MAP3K4: variants seen among roughly 807,000 people sequenced by gnomAD.
MAP3K4 encodes the protein MAP three kinase 1.
Under a neutral mutation model 185.6 loss-of-function variants are expected in MAP3K4, and 67 were observed. That is an observed-to-expected ratio of 0.36 (90% CI 0.30 to 0.44). MAP3K4 has a LOEUF of 0.44. Among genes scored for constraint, MAP3K4 ranks in the 20% least tolerant of loss-of-function variants. The pLI, the probability that MAP3K4 is intolerant of heterozygous loss-of-function variation, is 1.00. For synonymous variants in MAP3K4, 702 were observed against 710.4 expected (o/e 0.99, Z 0.19); for missense variants, 1,551 against 1,995.1 (o/e 0.78, Z 4.24).
chr6:161,102,743 A>C lies in MAP3K4; in HGVS notation c.3820A>C (p.Ser1274Arg). 1 of 1,601,566 alleles carries C rather than the reference A, an allele frequency of 6.2e-7. No homozygotes were observed. The highest frequency in any genetic ancestry group is 1.1e-5 in the South Asian group (1 of 87,588). ...AGATTCAAGTGGGTCCACAAGAAGA[A>C]GTTGGGAACTTCGGACACTAATCAG... is the stretch of plus-strand genomic sequence containing the variant. ...RGDSSGSTRR[S>R]WELRTLISQS... Residue 1274 changes from serine (S) to arginine (R), a missense_variant, in exon 19 of 27, where the codon AGT becomes CGT. Around this residue, in one of 16 missense-constraint regions of MAP3K4, gnomAD observed 272 missense variants for 301.2 expected, o/e 0.90. Transcript: ENST00000392142.
Position 161,073,738 on chromosome 6 carries a change from A to G in MAP3K4, c.2097+126A>G. On this transcript the variant is annotated intron_variant, in intron 5 of 26. Coordinates refer to ENST00000392142, the MANE Select transcript of MAP3K4 (RefSeq NM_005922.4). This position sits in a 1 kb window ranked among gnomAD's most constrained non-coding sequence, Gnocchi z 4.2. ...ATTCAGATAAACTTCTCTAGTAATGAATTATAGAAATGATCCCTGAAAGTA... is the reference window on the plus strand; with the variant it reads ...ATTCAGATAAACTTCTCTAGTAATGGATTATAGAAATGATCCCTGAAAGTA... The G allele has an allele frequency of 1.1e-6, 1 of 943,136 alleles. No homozygotes were observed. The highest frequency in any genetic ancestry group is 1.5e-6 in the Non-Finnish European group (1 of 658,344). The allele number at this position is 943,136 out of a possible 1,614,324, so 58.4% of individuals were successfully genotyped here.
In MAP3K4 at chr6:161,064,528, T is replaced by G. The variant is rs1255684868; in HGVS notation, c.1708-6080T>G. 6.6e-6 allele frequency among the ~76,000 whole-genome samples: 1 copy of G among 152,218 alleles called. No individual in the cohort carries two copies. The highest frequency in any genetic ancestry group is 1.9e-4 in the East Asian group (1 of 5,184). ...CTGATCTGTTTATTACTGTGCAGGC[T>G]TATTCTATTTTAAATAGAGTAGGCT... On this transcript the variant is annotated intron_variant, in intron 3 of 26. Transcript: ENST00000392142. This position sits in a 1 kb window ranked among gnomAD's most constrained non-coding sequence, Gnocchi z 4.3.
intron 2 of MAP3K4, among the ~76,000 whole-genome samples, chr6:161,047,365 AG>A (rs1312955899): frequency 1.3e-5 from 2 of 151,652 alleles, no homozygotes; most frequent in African/African-American, 2.4e-5. Flanking sequence ...ACTCGAGCCC[AG>A]GAAGTTGAGG....
chr6:161,039,958 A>G (rs1333745602), intron 2 of MAP3K4, among the ~76,000 whole-genome samples: 2 of 152,142 alleles, frequency 1.3e-5, no homozygotes, highest in African/African-American at 4.8e-5. Context: ...ATCTCTGTTC[A>G]TTTATCTTTA....
chr6:161,001,616 A>G (rs2115048796), intron 1 of MAP3K4, among the ~76,000 whole-genome samples: 1 of 152,258 alleles, frequency 6.6e-6, no homozygotes, highest in Non-Finnish European at 1.5e-5. Flanking sequence ...TTTATTGCCT[A>G]ATTCCTGGCT....
In MAP3K4 at chr6:161,017,458, G is replaced by C. The variant is rs780003233; in HGVS notation, c.153-16801G>C. On this transcript the variant is annotated intron_variant, in intron 1 of 26. Transcript: ENST00000392142. The surrounding 1 kb of genome is among the most constrained non-coding windows in gnomAD (Gnocchi z 5.1). The stretch of plus-strand genomic sequence containing the variant: ...TTCTGGTACCATCTGTAGTTGAGAA[G>C]TATGTCACTTTCTATTTATTTGGAT... Among the ~76,000 whole-genome samples the C allele has an allele frequency of 6.6e-6, 1 of 152,120 alleles. No homozygotes were observed. Among genetic ancestry groups the C allele is most frequent in the Non-Finnish European group, 1.5e-5 (1 of 68,016 alleles).
chr6:161,007,389 A>G lies in MAP3K4; in HGVS notation c.152+15306A>G, dbSNP rs1250580696. 1.3e-5 allele frequency among the ~76,000 whole-genome samples: 2 copies of G among 152,142 alleles called. No homozygotes were observed. The highest frequency in any genetic ancestry group is 3.9e-4 in the East Asian group (2 of 5,192). ...GGGAATTACTGAGGAAGATAGAGGG[A>G]GGGCTAATTTTACAATATGCAAGGA... On this transcript the variant is annotated intron_variant, in intron 1 of 26. Coordinates refer to ENST00000392142, the MANE Select transcript of MAP3K4 (RefSeq NM_005922.4). The surrounding 1 kb of genome is among the most constrained non-coding windows in gnomAD (Gnocchi z 4.5).
At position 161,007,132 on chromosome 6, in the gene MAP3K4, A is replaced by G. The variant is rs1179549051; in HGVS notation, c.152+15049A>G. 6.6e-6 allele frequency among the ~76,000 whole-genome samples: 1 copy of G among 152,212 alleles called. No individual in the cohort carries two copies. The highest frequency in any genetic ancestry group is 1.9e-4 in the East Asian group (1 of 5,196). On this transcript the variant is annotated intron_variant, in intron 1 of 26. Transcript: ENST00000392142. This position sits in a 1 kb window ranked among gnomAD's most constrained non-coding sequence, Gnocchi z 4.5. ...GTACTCATTGTTGTGTCCCCAGGTC[A>G]CAGACCAGAAACAAGGCACAGGGGA...
intron 1 of MAP3K4, among the ~76,000 whole-genome samples, chr6:161,018,682 A>C (rs1448813845): frequency 6.6e-6 from 1 of 152,236 alleles, no homozygotes; most frequent in Non-Finnish European, 1.5e-5. Context: ...TCTAATCAAA[A>C]TATGTCAATA....
At chr6:161,039,289 A>AAC (rs1174168931) in intron 2 of MAP3K4, among the ~76,000 whole-genome samples, 1 of 151,648 alleles carries the variant, frequency 6.6e-6, no homozygotes, top group African/African-American at 2.4e-5. Context: ...CAAAAAAAAA[A>AAC]AAAAAAAAAA....
chr6:161,082,230 G>T lies in MAP3K4; in HGVS notation c.2255+1192G>T, dbSNP rs943069202. 3.3e-5 allele frequency among the ~76,000 whole-genome samples: 5 copies of T among 151,882 alleles called. No homozygotes were observed. The highest frequency in any genetic ancestry group is 7.4e-5 in the Non-Finnish European group (5 of 67,998). ...CCCATAGTCAGCCTTTTTAAAAAAG[G>T]CATTCATTGTCATTTGCAACATGTC... On this transcript the variant is annotated intron_variant, in intron 6 of 26. Coordinates refer to ENST00000392142, the MANE Select transcript of MAP3K4 (RefSeq NM_005922.4). The surrounding 1 kb of genome is among the most constrained non-coding windows in gnomAD (Gnocchi z 4.2).
chr6:160,992,009 G>C lies in MAP3K4; in HGVS notation c.78G>C (p.Pro26=). 6.6e-7 allele frequency: 1 copy of C among 1,504,552 alleles called. No individual in the cohort carries two copies. The highest frequency in any genetic ancestry group is 9.0e-7 in the Non-Finnish European group (1 of 1,115,130). 93.2% of individuals were successfully genotyped at this position (1,504,552 alleles called of 1,614,324 possible). Residue 26 remains proline (P), a synonymous_variant, in exon 1 of 27, where the codon CCG becomes CCC. Coordinates refer to ENST00000392142, the MANE Select transcript of MAP3K4 (RefSeq NM_005922.4). ...VTPAAAMEEP[P]PPPPPPPPPP... is the part of the protein sequence containing the mutation. ...CTGCCGCCGCCATGGAGGAGCCGCC[G>C]CCACCGCCGCCGCCGCCACCACCGC...
intron 4 of MAP3K4, among the ~76,000 whole-genome samples, chr6:161,072,415 T>G (rs1432387020): frequency 6.6e-6 from 1 of 152,224 alleles, no homozygotes; most frequent in Non-Finnish European, 1.5e-5. Context: ...TTCCTACACA[T>G]ACAAGTAAGT....
rs1248243440 is a variant in MAP3K4, at chr6:161,091,183, A to AT, written c.2974-189dup. Among the ~76,000 whole-genome samples, 3 of 152,152 alleles carry AT rather than the reference A, an allele frequency of 2.0e-5. No individual in the cohort carries two copies. Among genetic ancestry groups the AT allele is most frequent in the Non-Finnish European group, 4.4e-5 (3 of 68,028 alleles). The stretch of plus-strand genomic sequence containing the variant: ...AACTAGACTGTATCATTTTAAATGC[A>AT]TTTTTTTCTCTTCTATTTAAGAATG... On this transcript the variant is annotated intron_variant, in intron 11 of 26. Transcript: ENST00000392142. This position sits in a 1 kb window ranked among gnomAD's most constrained non-coding sequence, Gnocchi z 5.5.
chr6:161,066,643 T>G (rs1480926771), intron 3 of MAP3K4, among the ~76,000 whole-genome samples: 1 of 152,192 alleles, frequency 6.6e-6, no homozygotes, highest in Non-Finnish European at 1.5e-5. Context: ...TTCTGATTCT[T>G]CCCTTTAGTC....
chr6:161,066,709 T>A (rs1312898974), intron 3 of MAP3K4, among the ~76,000 whole-genome samples: 1 of 152,206 alleles, frequency 6.6e-6, no homozygotes, highest in Non-Finnish European at 1.5e-5. Context: ...AAACATCTGC[T>A]CCTCTCTGTC....
In MAP3K4 at chr6:161,064,113, A is replaced by G. The variant is rs1784597595; in HGVS notation, c.1708-6495A>G. On this transcript the variant is annotated intron_variant, in intron 3 of 26. Coordinates refer to ENST00000392142, the MANE Select transcript of MAP3K4 (RefSeq NM_005922.4). This position sits in a 1 kb window ranked among gnomAD's most constrained non-coding sequence, Gnocchi z 4.3. Reference sequence around the variant, plus strand: ...ACTTTTTCCCAGAATTCTTTTTTTCAGTTTGACCTGTACTAAATTGCCAGT... The same window carrying G: ...ACTTTTTCCCAGAATTCTTTTTTTCGGTTTGACCTGTACTAAATTGCCAGT... Among the ~76,000 whole-genome samples, 1 of 152,128 alleles carries G rather than the reference A, an allele frequency of 6.6e-6. No homozygotes were observed. Among genetic ancestry groups the G allele is most frequent in the Non-Finnish European group, 1.5e-5 (1 of 68,006 alleles).
chr6:161,101,820 G>C lies in MAP3K4; in HGVS notation c.3675-72G>C, dbSNP rs1272575315. ...CCCCCAGTTGAGAATTATTGCTCTA[G>C]AAAAATCTCGCAGATCTTTCATTTT... On this transcript the variant is annotated intron_variant, in intron 17 of 26. Transcript: ENST00000392142. The surrounding 1 kb of genome is among the most constrained non-coding windows in gnomAD (Gnocchi z 5.1). The C allele has an allele frequency of 2.2e-6, 3 of 1,334,532 alleles. No individual in the cohort carries two copies. The highest frequency in any genetic ancestry group is 2.1e-6 in the Non-Finnish European group (2 of 941,660). 82.7% of individuals were successfully genotyped at this position (1,334,532 alleles called of 1,614,324 possible).
chr6:161,048,566 C>G lies in MAP3K4; in HGVS notation c.344-50C>G, dbSNP rs150234575. On this transcript the variant is annotated intron_variant, in intron 2 of 26. Coordinates refer to ENST00000392142, the MANE Select transcript of MAP3K4 (RefSeq NM_005922.4). The surrounding 1 kb of genome is among the most constrained non-coding windows in gnomAD (Gnocchi z 4.7). ...GTTTTATTGAAAATATTGAGAGTAG[C>G]TTCATATTTTAGAGTTATATAATGT... The G allele has an allele frequency of 7.3e-5, 88 of 1,210,572 alleles. No individual in the cohort carries two copies. The African/African-American group carries it at 1.1e-3, about 15-fold the overall frequency. The allele number at this position is 1,210,572 out of a possible 1,614,324, so 75.0% of individuals were successfully genotyped here.
Sources: allele counts gnomAD v4.1 joint callset (sites outside exome capture counted in the v4.1 genomes callset), GRCh38; gene constraint gnomAD v4.1.1; regional missense constraint gnomAD v4.1.1; non-coding constraint Gnocchi (gnomAD v3.1); transcripts MANE v1.5; gene names NCBI Gene and HGNC (gene_info 2026-07-23, HGNC 2026-07-21).